Variants in PAPSS2 observed in about 807,000 individuals in gnomAD.
PAPSS2 encodes 3'-phosphoadenosine 5'-phosphosulfate synthase 2.
PAPSS2 carries 61 observed loss-of-function variants against 66.5 expected under a neutral mutation model. The ratio of observed to expected loss-of-function variants is 0.92; its 90% CI spans 0.75 to 1.14. The LOEUF (loss-of-function observed/expected upper bound fraction) is 1.14. Ranked by LOEUF, PAPSS2 falls within the 50% of genes most tolerant of loss-of-function variation. PAPSS2 has a pLI of 0.00. For missense variants in PAPSS2, 708 were observed against 789.6 expected (o/e 0.90, Z 1.24); for synonymous variants, 289 against 287.5 (o/e 1.01, Z -0.05).
chr10:87,690,095 A>G (rs1853153592), intron 1 of PAPSS2, among the ~76,000 whole-genome samples: 1 of 152,224 alleles, frequency 6.6e-6, no homozygotes, highest in African/African-American at 2.4e-5. Context: ...ACGTCTAGCA[A>G]TTAATCCCAC....
At chr10:87,735,370 T>G (rs148585676) in intron 9 of PAPSS2, among the ~76,000 whole-genome samples, 1 of 152,148 alleles carries the variant, frequency 6.6e-6, no homozygotes, top group African/African-American at 2.4e-5. Context: ...GGATGGTGGA[T>G]GAATTCGGTT....
intron 9 of PAPSS2, among the ~76,000 whole-genome samples, chr10:87,734,015 T>A (rs1474590970): frequency 1.3e-5 from 2 of 152,212 alleles, no homozygotes; most frequent in Admixed American, 6.5e-5. Flanking sequence ...ACTCCTCTTC[T>A]ATTCCATCTT....
intron 1 of PAPSS2, among the ~76,000 whole-genome samples, chr10:87,677,180 C>T (rs555627872): frequency 5.9e-5 from 9 of 151,940 alleles, no homozygotes; most frequent in South Asian, 4.1e-4. Flanking sequence ...GGCAACAGAG[C>T]GAGACTCCAT....
chr10:87,707,137 A>G (rs1390679170), intron 1 of PAPSS2, among the ~76,000 whole-genome samples: 1 of 151,476 alleles, frequency 6.6e-6, no homozygotes, highest in Admixed American at 6.6e-5. Flanking sequence ...GCCCATCCCC[A>G]CTCTGTGCTC....
chr10:87,709,054 G>A (rs542520201), intron 1 of PAPSS2, 142 bp from the exon 2 acceptor site: 37 of 584,428 alleles, frequency 6.3e-5, no homozygotes, highest in African/African-American at 4.1e-4. Context: ...ACAAAGGTGA[G>A]TCTCTTTCAA....
At chr10:87,675,362 T>A (rs1235550866) in intron 1 of PAPSS2, among the ~76,000 whole-genome samples, 2 of 152,264 alleles carry the variant, frequency 1.3e-5, no homozygotes, top group Non-Finnish European at 2.9e-5. Context: ...GATTCGCATA[T>A]TTGAATTTTC....
intron 1 of PAPSS2, among the ~76,000 whole-genome samples, chr10:87,708,944 A>G (rs1253352769): frequency 1.3e-5 from 2 of 152,250 alleles, no homozygotes; most frequent in Non-Finnish European, 2.9e-5. Flanking sequence ...TGCAGAATGA[A>G]TAACTTAGGT....
chr10:87,682,388 T>A (rs1454802536), intron 1 of PAPSS2, among the ~76,000 whole-genome samples: 6 of 152,176 alleles, frequency 3.9e-5, no homozygotes, highest in African/African-American at 1.4e-4. Flanking sequence ...TTGGCAGATT[T>A]AATAACCAAC....
intron 1 of PAPSS2, among the ~76,000 whole-genome samples, chr10:87,672,732 T>C (rs1045582490): frequency 1.3e-4 from 20 of 152,204 alleles, no homozygotes; most frequent in African/African-American, 4.8e-4. Context: ...GGGGGAAATT[T>C]GGTCCCGTAG....
chr10:87,721,223 C>T (rs990294355), intron 7 of PAPSS2, among the ~76,000 whole-genome samples: 8 of 152,134 alleles, frequency 5.3e-5, no homozygotes, highest in African/African-American at 1.9e-4. Flanking sequence ...TATTTGAAGC[C>T]TAGACTTAAA....
intron 1 of PAPSS2, among the ~76,000 whole-genome samples, chr10:87,695,914 G>A (rs77822607): frequency 0.028 from 4,240 of 152,236 alleles, 74 homozygotes; most frequent in African/African-American, 0.044. Context: ...AGTCTCACAG[G>A]TCAGGAGTAT....
chr10:87,695,677 A>C (rs1034505513), intron 1 of PAPSS2, among the ~76,000 whole-genome samples: 8 of 152,362 alleles, frequency 5.3e-5, no homozygotes, highest in Middle Eastern at 6.8e-3. Context: ...GAAAGTTCTT[A>C]TGTGATAGAG....
At chr10:87,700,650 C>T (rs1434402088) in intron 1 of PAPSS2, among the ~76,000 whole-genome samples, 5 of 148,464 alleles carry the variant, frequency 3.4e-5, no homozygotes, top group Non-Finnish European at 7.4e-5. Flanking sequence ...AGAGTGAGAC[C>T]CTGTCTCAAA....
chr10:87,707,564 CTTTTTTTTTTT>C (rs747152482), intron 1 of PAPSS2, among the ~76,000 whole-genome samples: 9 of 93,978 alleles, frequency 9.6e-5, no homozygotes, highest in Middle Eastern at 8.8e-3. Flanking sequence ...TCTTTTTTTT[CTTTTTTTTTTT>C]TTTTTTTTTT....
Position 87,659,947 on chromosome 10 carries a change from C to T in PAPSS2, c.-35C>T. 1 of 1,610,960 alleles carries T rather than the reference C, an allele frequency of 6.2e-7. No individual in the cohort carries two copies. The highest frequency in any genetic ancestry group is 8.5e-7 in the Non-Finnish European group (1 of 1,178,910). ...CCGTCCCTGCGTCCTTCGGTCTCTG[C>T]TCCCGGGACCCGGGCTCCGCCGCAG... On this transcript the variant is annotated 5_prime_UTR_variant, in exon 1 of 13. Coordinates refer to ENST00000456849, the MANE Select transcript of PAPSS2 (RefSeq NM_001015880.2).
intron 1 of PAPSS2, among the ~76,000 whole-genome samples, chr10:87,700,572 C>A (rs576054573): frequency 3.3e-5 from 5 of 151,130 alleles, no homozygotes; most frequent in Non-Finnish European, 5.9e-5. Flanking sequence ...ATGGGAGGAT[C>A]GCTTGAGCCG....
In PAPSS2 at chr10:87,727,349, G is replaced by A. The variant is rs1457353464; in HGVS notation, c.946G>A (p.Glu316Lys). The change falls in exon 9 of 13, where the codon GAA becomes AAA. Residue 316 changes from glutamate to lysine, a missense_variant. Physicochemically the swap from Glu to Lys is moderately conservative, Grantham distance 56. Coordinates refer to ENST00000456849, the MANE Select transcript of PAPSS2 (RefSeq NM_001015880.2). ...PVSAEDKTRL[E>K]GCSKFVLAHG... is the part of the protein sequence containing the mutation. The stretch of plus-strand genomic sequence containing the variant: ...CTCTGCAGAGGATAAGACACGGCTG[G>A]AAGGGTGCAGCAAGTTTGTCCTGGC... 1.9e-6 allele frequency: 3 copies of A among 1,614,004 alleles called. No individual in the cohort carries two copies. Among genetic ancestry groups the A allele is most frequent in the Non-Finnish European group, 2.5e-6 (3 of 1,180,010 alleles).
chr10:87,669,110 C>T (rs551607206), intron 1 of PAPSS2, among the ~76,000 whole-genome samples: 8 of 152,122 alleles, frequency 5.3e-5, no homozygotes, highest in Non-Finnish European at 8.8e-5. Context: ...TTTGATTGGC[C>T]GGACTGTTTC....
chr10:87,679,249 G>A (rs545941697), intron 1 of PAPSS2, among the ~76,000 whole-genome samples: 1 of 152,182 alleles, frequency 6.6e-6, no homozygotes, highest in African/African-American at 2.4e-5. Context: ...AAGGTAGAGA[G>A]TAGAATGATA....
Sources: allele counts gnomAD v4.1 joint callset (sites outside exome capture counted in the v4.1 genomes callset), GRCh38; gene constraint gnomAD v4.1.1; transcripts MANE v1.5; gene names NCBI Gene and HGNC (gene_info 2026-07-23, HGNC 2026-07-21).